Variants in MSI2 observed in about 807,000 individuals in gnomAD.
MSI2 encodes the protein RNA-binding protein Musashi homolog 2.
In MSI2, 17 loss-of-function variants were observed where a neutral mutation model predicts 45.6. The observed-to-expected ratio is 0.37, with a 90% CI of 0.26 to 0.56. The LOEUF (loss-of-function observed/expected upper bound fraction) is 0.56. MSI2 is among the 20% of genes least tolerant of loss of function. The pLI is 0.77. For missense variants in MSI2, 293 were observed against 444.2 expected (o/e 0.66, Z 3.06); for synonymous variants, 156 against 158.2 (o/e 0.99, Z 0.11).
intron 11 of MSI2, among the ~76,000 whole-genome samples, chr17:57,673,819 C>T (rs764482065): frequency 1.4e-4 from 21 of 152,072 alleles, no homozygotes; most frequent in Non-Finnish European, 2.5e-4. Flanking sequence ...AAAGGTACAT[C>T]CTGAGCCTGC....
intron 5 of MSI2, among the ~76,000 whole-genome samples, chr17:57,379,861 A>G (rs527974327): frequency 6.6e-6 from 1 of 152,150 alleles, no homozygotes; most frequent in Non-Finnish European, 1.5e-5. Context: ...GTTCTCGAAT[A>G]CGGTGACTCC....
At chr17:57,579,427 C>T (rs1598418739) in intron 7 of MSI2, among the ~76,000 whole-genome samples, 1 of 152,330 alleles carries the variant, frequency 6.6e-6, no homozygotes, top group African/African-American at 2.4e-5. Context: ...GTCTTGCCTC[C>T]TTGCCTGGCC....
intron 6 of MSI2, among the ~76,000 whole-genome samples, chr17:57,409,439 A>G (rs1681836244): frequency 6.6e-6 from 1 of 152,254 alleles, no homozygotes. Flanking sequence ...AAAACTTTGC[A>G]TAAAATAAAT....
chr17:57,614,694 A>T lies in MSI2; in HGVS notation c.538-1276A>T, dbSNP rs1243246268. Among the ~76,000 whole-genome samples the T allele has an allele frequency of 4.6e-5, 7 of 152,202 alleles. No homozygotes were observed. The East Asian group carries it at 1.3e-3, about 29-fold the overall frequency. ...GCAGTGGGATTGATGACTGGCTAAC[A>T]ATGCTTGTTAAATTTCTCTGTAAAC... On this transcript the variant is annotated intron_variant, in intron 8 of 13. Coordinates refer to ENST00000284073, the MANE Select transcript of MSI2 (RefSeq NM_138962.4).
intron 6 of MSI2, among the ~76,000 whole-genome samples, chr17:57,401,841 T>A (rs572634811): frequency 6.6e-6 from 1 of 152,270 alleles, no homozygotes; most frequent in East Asian, 1.9e-4. Context: ...AGGTTGGTGC[T>A]GGGCTTCTCC....
chr17:57,669,719 C>G (rs981685010), intron 11 of MSI2, among the ~76,000 whole-genome samples: 1 of 152,242 alleles, frequency 6.6e-6, no homozygotes, highest in African/African-American at 2.4e-5. Flanking sequence ...TCTCAGTCCT[C>G]CGTCCTTTCG....
chr17:57,616,177 C>T, intron 9 of MSI2, 93 bp downstream of exon 9: 1 of 835,386 alleles, frequency 1.2e-6, no homozygotes, highest in South Asian at 1.5e-5. Flanking sequence ...GGGCAAACTG[C>T]TTCACCTTTC....
At chr17:57,281,008 G>A (rs942477207) in intron 5 of MSI2, among the ~76,000 whole-genome samples, 1 of 152,190 alleles carries the variant, frequency 6.6e-6, no homozygotes, top group Non-Finnish European at 1.5e-5. Context: ...GGGGCCCAAG[G>A]AGGAGGTGCT....
At chr17:57,589,028 T>A (rs916911865) in intron 7 of MSI2, among the ~76,000 whole-genome samples, 5 of 152,256 alleles carry the variant, frequency 3.3e-5, no homozygotes, top group African/African-American at 9.6e-5. Context: ...ACATTATTAT[T>A]AGAATGTGGA....
intron 7 of MSI2, among the ~76,000 whole-genome samples, chr17:57,553,869 AAGTTTGTCTCTTTC>A (rs778537558): frequency 6.6e-6 from 1 of 152,180 alleles, no homozygotes. Context: ...GGCAGCCCAC[AAGTTTGTCTCTTTC>A]AAGAGAAGAA....
At chr17:57,585,895 C>T (rs546122390) in intron 7 of MSI2, among the ~76,000 whole-genome samples, 3 of 152,386 alleles carry the variant, frequency 2.0e-5, no homozygotes, top group South Asian at 2.1e-4. Context: ...GCTGCGCACA[C>T]GACCTCAGCC....
chr17:57,499,720 T>C (rs2086060710), intron 6 of MSI2, among the ~76,000 whole-genome samples: 3 of 152,160 alleles, frequency 2.0e-5, no homozygotes, highest in Admixed American at 6.5e-5. Flanking sequence ...TCTCATGAGG[T>C]TGCAGTCAGA....
chr17:57,451,465 C>A (rs1018083507), intron 6 of MSI2, among the ~76,000 whole-genome samples: 1 of 152,206 alleles, frequency 6.6e-6, no homozygotes, highest in East Asian at 1.9e-4. Flanking sequence ...ATCAGCCCAT[C>A]GTGGGCTCCC....
intron 5 of MSI2, among the ~76,000 whole-genome samples, chr17:57,399,797 C>T (rs1282636064): frequency 6.6e-6 from 1 of 152,198 alleles, no homozygotes; most frequent in East Asian, 1.9e-4. Flanking sequence ...AAAACTCATA[C>T]CTAGGAGGAA....
intron 11 of MSI2, among the ~76,000 whole-genome samples, chr17:57,664,473 G>A (rs1243760265): frequency 6.6e-6 from 1 of 152,038 alleles, no homozygotes; most frequent in East Asian, 1.9e-4. Flanking sequence ...AGCTGAGAGT[G>A]CGCCACTGCA....
chr17:57,372,549 C>T (rs2083435842), intron 5 of MSI2, among the ~76,000 whole-genome samples: 1 of 152,180 alleles, frequency 6.6e-6, no homozygotes, highest in South Asian at 2.1e-4. Context: ...TATGTTTTCT[C>T]TTTTTGGAGG....
intron 10 of MSI2, among the ~76,000 whole-genome samples, chr17:57,648,016 G>A (rs747261422): frequency 1.3e-5 from 2 of 152,032 alleles, no homozygotes; most frequent in Non-Finnish European, 2.9e-5. Context: ...AGGCTGGAGT[G>A]CAGTGGTGCA....
downstream of MSI2, among the ~76,000 whole-genome samples, chr17:57,687,626 G>C (rs1008768032): frequency 6.6e-5 from 10 of 152,000 alleles, no homozygotes; most frequent in Non-Finnish European, 1.0e-4. Flanking sequence ...CTGAAAAATA[G>C]ACTGGATCCA....
chr17:57,652,249 ATCTGTCCAACACCAC>A lies in MSI2; in HGVS notation c.790+92_790+106del. The A allele has an allele frequency of 7.5e-7, 1 of 1,334,608 alleles. No individual in the cohort carries two copies. The highest frequency in any genetic ancestry group is 1.4e-5 in the African/African-American group (1 of 69,850). 82.7% of individuals were successfully genotyped at this position (1,334,608 alleles called of 1,614,324 possible). Reference sequence around the variant, plus strand: ...GGCCCTGTCGGATCTGTGTGGCTGCATCTGTCCAACACCACTCTCACCACAGCCCCGGGGAGGGGG... The same window carrying A: ...GGCCCTGTCGGATCTGTGTGGCTGCATCTCACCACAGCCCCGGGGAGGGGG... On this transcript the variant is annotated intron_variant, in intron 11 of 13. Coordinates refer to ENST00000284073, the MANE Select transcript of MSI2 (RefSeq NM_138962.4). This position sits in a 1 kb window ranked among gnomAD's most constrained non-coding sequence, Gnocchi z 4.1.
Sources: allele counts gnomAD v4.1 joint callset (sites outside exome capture counted in the v4.1 genomes callset), GRCh38; gene constraint gnomAD v4.1.1; non-coding constraint Gnocchi (gnomAD v3.1); transcripts MANE v1.5; gene names NCBI Gene and HGNC (gene_info 2026-07-23, HGNC 2026-07-21).